ERC1: variants seen among roughly 807,000 people sequenced by gnomAD.
The protein encoded by ERC1 is RAB6 interacting protein 2.
In ERC1, 56 loss-of-function variants were observed where a neutral mutation model predicts 132.0. That is an observed-to-expected ratio of 0.42 (90% confidence interval 0.34 to 0.53). ERC1 has a LOEUF of 0.53. ERC1 is among the 20% of genes least tolerant of loss of function. The pLI is 0.03. For synonymous variants in ERC1, 478 were observed against 476.1 expected (o/e 1.00, Z -0.05); for missense variants, 1,202 against 1,349.9 (o/e 0.89, Z 1.72).
At chr12:1,196,967 T>C (rs1432026376) in intron 12 of ERC1, among the ~76,000 whole-genome samples, 11 of 63,214 alleles carry the variant, frequency 1.7e-4, no homozygotes, top group East Asian at 2.8e-4. Context: ...CACACATATA[T>C]ATATATATAT....
chr12:1,022,897 C>T (rs1966589072), intron 1 of ERC1, among the ~76,000 whole-genome samples: 4 of 152,232 alleles, frequency 2.6e-5, no homozygotes, highest in Admixed American at 1.3e-4. Flanking sequence ...GGATTACAGG[C>T]GTTAGCCACC....
chr12:1,351,765 A>AT (rs911064390), intron 15 of ERC1, among the ~76,000 whole-genome samples: 7 of 152,012 alleles, frequency 4.6e-5, no homozygotes, highest in Admixed American at 1.3e-4. Flanking sequence ...CATAAGGCCC[A>AT]TTTTTTAATC....
intron 17 of ERC1, among the ~76,000 whole-genome samples, chr12:1,422,938 A>C (rs1458040358): frequency 2.6e-5 from 4 of 152,206 alleles, no homozygotes. Context: ...TTGCATTTGC[A>C]TGCAAATGAT....
intron 2 of ERC1, 138 bp downstream of exon 2, chr12:1,028,710 C>A: frequency 1.3e-6 from 1 of 770,368 alleles, no homozygotes; most frequent in Non-Finnish European, 2.0e-6. Context: ...TGTTTTGTGT[C>A]CTCCATTTCT....
rs2090967822 is a variant in ERC1 at position 1,400,908 on chromosome 12, A to ATTTTTTTTTTTTTTTTT, written c.2926-7236_2926-7235insTTTTTTTTTTTTTTTTT. Among the ~76,000 whole-genome samples, 4 of 43,400 alleles carry ATTTTTTTTTTTTTTTTT rather than the reference A, an allele frequency of 9.2e-5. 1 individual carries two copies. The highest frequency in any genetic ancestry group is 2.3e-4 in the Non-Finnish European group (4 of 17,704). The allele number at this position is 43,400 out of a possible 152,430, so 28.5% of individuals were successfully genotyped here. Reference sequence around the variant, plus strand: ...CTTCTCATTCAATATTGTTTTGGCTATTTTTGTATTTTTTTTTTTTTTTTT... The same window carrying ATTTTTTTTTTTTTTTTT: ...CTTCTCATTCAATATTGTTTTGGCTATTTTTTTTTTTTTTTTTTTTTTGTATTTTTTTTTTTTTTTTT... On this transcript the variant is annotated intron_variant, in intron 16 of 18. Transcript: ENST00000360905.
At chr12:1,123,620 A>G (rs958557206) in intron 7 of ERC1, among the ~76,000 whole-genome samples, 1 of 152,244 alleles carries the variant, frequency 6.6e-6, no homozygotes, top group Admixed American at 6.5e-5. Context: ...ACACAGAGCA[A>G]TGTTATATGC....
chr12:1,284,253 C>T (rs1228341483), intron 14 of ERC1, among the ~76,000 whole-genome samples: 1 of 144,478 alleles, frequency 6.9e-6, no homozygotes. Flanking sequence ...CTTTTTATGG[C>T]TGAATAGTAT....
intron 1 of ERC1, among the ~76,000 whole-genome samples, chr12:996,622 C>T (rs1402212125): frequency 6.6e-6 from 1 of 152,006 alleles, no homozygotes; most frequent in Non-Finnish European, 1.5e-5. Flanking sequence ...CTTTTCAGAA[C>T]AAAATAGGCA....
At position 1,490,088 on chromosome 12, in the gene ERC1, T is replaced by A. The variant is rs1449322090; in HGVS notation, c.3214-5T>A. 1.9e-6 allele frequency: 3 copies of A among 1,613,132 alleles called. No homozygotes were observed. The African/African-American group carries it at 4.0e-5, about 22-fold the overall frequency. ...TCTGAAATCCATCTCTCCTTTCCCT[T>A]TCAGCTTCAGGATGAGTTAGAGAAA... On this transcript the variant is annotated splice_polypyrimidine_tract_variant and splice_region_variant and intron_variant, in intron 18 of 18. Transcript: ENST00000360905.
intron 15 of ERC1, among the ~76,000 whole-genome samples, chr12:1,345,305 C>T (rs1247728089): frequency 3.3e-5 from 5 of 151,336 alleles, no homozygotes; most frequent in Admixed American, 6.6e-5. Context: ...CTCAGCCTCC[C>T]GAGTAGCTGG....
chr12:1,181,782 T>TC, intron 9 of ERC1, 143 bp from the exon 10 acceptor site: 3 of 728,600 alleles, frequency 4.1e-6, no homozygotes, highest in South Asian at 4.8e-5. Context: ...AAACTCTGTC[T>TC]CAAAAAAAAA....
intron 2 of ERC1, among the ~76,000 whole-genome samples, chr12:1,065,477 CGTTTGTGTGT>C (rs1565894543): frequency 6.9e-5 from 3 of 43,460 alleles, no homozygotes; most frequent in African/African-American, 1.3e-4. Flanking sequence ...TTCTTTGTAC[CGTTTGTGTGT>C]GTGTGTGTGT....
At chr12:1,083,788 A>G (rs778298019) in intron 3 of ERC1, among the ~76,000 whole-genome samples, 1 of 151,996 alleles carries the variant, frequency 6.6e-6, no homozygotes, top group Non-Finnish European at 1.5e-5. Flanking sequence ...TGGCTCAGTG[A>G]CTTTCTGGGT....
intron 14 of ERC1, among the ~76,000 whole-genome samples, chr12:1,267,390 C>T (rs2077547183): frequency 1.3e-5 from 2 of 152,220 alleles, no homozygotes; most frequent in Admixed American, 1.3e-4. Context: ...GGCTAAGGAG[C>T]AGTATGCTTA....
chr12:1,339,762 G>A (rs1459024434), intron 15 of ERC1, among the ~76,000 whole-genome samples: 1 of 152,160 alleles, frequency 6.6e-6, no homozygotes, highest in Non-Finnish European at 1.5e-5. Flanking sequence ...GTCTCTGTGT[G>A]CCCCAGGCAG....
At chr12:1,051,168 C>T (rs890051784) in intron 2 of ERC1, among the ~76,000 whole-genome samples, 4 of 152,140 alleles carry the variant, frequency 2.6e-5, no homozygotes, top group Non-Finnish European at 5.9e-5. Context: ...TACTGTTGCA[C>T]ACTTGGAATC....
chr12:1,181,897 T>G, intron 9 of ERC1, 28 bp from the exon 10 acceptor site: 2 of 1,591,204 alleles, frequency 1.3e-6, no homozygotes, highest in Non-Finnish European at 1.7e-6. Flanking sequence ...AGGGAATTTC[T>G]TCACATGTTG....
At chr12:1,074,393 T>C (rs950901305) in intron 2 of ERC1, among the ~76,000 whole-genome samples, 11 of 152,042 alleles carry the variant, frequency 7.2e-5, no homozygotes, top group Non-Finnish European at 1.3e-4. Context: ...CTCCAACTCC[T>C]GGGTGCAAGC....
chr12:1,200,245 A>G (rs771957413), intron 12 of ERC1, among the ~76,000 whole-genome samples: 1 of 152,188 alleles, frequency 6.6e-6, no homozygotes, highest in Non-Finnish European at 1.5e-5. Flanking sequence ...TTTTGGCTTG[A>G]TAGCAGTCAA....
Sources: allele counts gnomAD v4.1 joint callset (sites outside exome capture counted in the v4.1 genomes callset), GRCh38; gene constraint gnomAD v4.1.1; transcripts MANE v1.5; gene names NCBI Gene and HGNC (gene_info 2026-07-23, HGNC 2026-07-21).